Variants in LARGE1 observed in about 807,000 individuals in gnomAD.
LARGE1 encodes xylosyl- and glucuronyltransferase LARGE1.
In LARGE1, 43 loss-of-function variants were observed where a neutral mutation model predicts 87.6. The observed-to-expected ratio is 0.49, with a 90% confidence interval of 0.38 to 0.63. The LOEUF (loss-of-function observed/expected upper bound fraction) is 0.63, where lower values mean the gene tolerates loss of function less well. Among genes scored for constraint, LARGE1 ranks in the 30% least tolerant of loss-of-function variants. The pLI is 0.00. For synonymous variants in LARGE1, 434 were observed against 394.6 expected (o/e 1.10, Z -1.18); for missense variants, 802 against 1,000.2 (o/e 0.80, Z 2.67).
intron 11 of LARGE1, among the ~76,000 whole-genome samples, chr22:33,179,863 A>C (rs1923072482): frequency 6.6e-6 from 1 of 151,622 alleles, no homozygotes; most frequent in Non-Finnish European, 1.5e-5. Flanking sequence ...CTGTTCCAAA[A>C]TTTGTGTTGA....
rs146734980 is a variant in LARGE1, at chr22:33,320,560, C to T, written c.1288-4312G>A. Among the ~76,000 whole-genome samples the T allele has an allele frequency of 6.6e-5, 10 of 152,284 alleles. No individual in the cohort carries two copies. In the East Asian group the frequency reaches 1.9e-3, roughly 29 times the overall value. ...TTTTACCATTGTCCTGAGCACCATGCCTGGCTTGTGACAGGTGCTAATATC... is the reference window on the plus strand; with the variant it reads ...TTTTACCATTGTCCTGAGCACCATGTCTGGCTTGTGACAGGTGCTAATATC... On this transcript the variant is annotated intron_variant, in intron 10 of 14. Transcript: ENST00000397394.
At chr22:33,467,685 T>C in intron 6 of LARGE1, among the ~76,000 whole-genome samples, 1 of 152,228 alleles carries the variant, frequency 6.6e-6, no homozygotes, top group East Asian at 1.9e-4. Flanking sequence ...AGGCACTGGT[T>C]CCAAATGGCA....
intron 1 of LARGE1, among the ~76,000 whole-genome samples, chr22:33,865,347 C>G (rs1352468216): frequency 1.3e-5 from 2 of 152,202 alleles, no homozygotes; most frequent in Non-Finnish European, 2.9e-5. Context: ...TTTGTTTCAT[C>G]TGTTTGTTTT....
intron 6 of LARGE1, among the ~76,000 whole-genome samples, chr22:33,558,570 C>T (rs968016944): frequency 3.3e-5 from 5 of 152,088 alleles, no homozygotes; most frequent in Admixed American, 2.6e-4. Context: ...CTTAGATCAC[C>T]CTGCTGATAA....
chr22:33,176,424 C>G (rs1233089075), intron 11 of LARGE1, among the ~76,000 whole-genome samples: 1 of 152,106 alleles, frequency 6.6e-6, no homozygotes, highest in East Asian at 1.9e-4. Context: ...GGGCTAATAT[C>G]CAGAATCTGC....
intron 7 of LARGE1, among the ~76,000 whole-genome samples, chr22:33,395,886 T>C (rs1221175496): frequency 6.6e-6 from 1 of 152,214 alleles, no homozygotes; most frequent in African/African-American, 2.4e-5. Flanking sequence ...GTTAAATAGG[T>C]TTTGATATAT....
chr22:33,457,403 G>A (rs73407398), intron 6 of LARGE1, among the ~76,000 whole-genome samples: 2,009 of 144,208 alleles, frequency 0.014, 35 homozygotes, highest in African/African-American at 0.046. Flanking sequence ...TCATCTGCCC[G>A]CCTCAGGGCT....
At chr22:33,753,867 C>T (rs1047277016) in intron 2 of LARGE1, among the ~76,000 whole-genome samples, 5 of 152,102 alleles carry the variant, frequency 3.3e-5, no homozygotes, top group African/African-American at 7.2e-5. Flanking sequence ...CAAGACCAGC[C>T]TGGCCAACAT....
At position 33,888,699 on chromosome 22, in the gene LARGE1, T is replaced by C. The variant is rs936075906; in HGVS notation, c.-83+31296A>G. Among the ~76,000 whole-genome samples the C allele has an allele frequency of 2.0e-5, 3 of 150,386 alleles. No homozygotes were observed. In the South Asian group the frequency reaches 6.3e-4, roughly 32 times the overall value. ...GGCGAAACCCCATCTCTACTAAAAA[T>C]ACAAAAAATTAGCCAAGCATGGTGG... On this transcript the variant is annotated intron_variant, in intron 1 of 14. Coordinates refer to ENST00000397394, the MANE Select transcript of LARGE1 (RefSeq NM_133642.5).
At chr22:33,537,973 C>T (rs1335388141) in intron 6 of LARGE1, among the ~76,000 whole-genome samples, 3 of 152,172 alleles carry the variant, frequency 2.0e-5, no homozygotes, top group East Asian at 3.9e-4. Flanking sequence ...GGAGGACCTG[C>T]GATTCCAACC....
At chr22:33,148,167 C>A in the LARGE1 span, among the ~76,000 whole-genome samples, 1 of 152,232 alleles carries the variant, frequency 6.6e-6, no homozygotes, top group South Asian at 2.1e-4. Flanking sequence ...GATGTCAATG[C>A]CATGTTCTTG....
chr22:33,172,404 G>C (rs1245816333), intron 11 of LARGE1, among the ~76,000 whole-genome samples: 1 of 152,080 alleles, frequency 6.6e-6, no homozygotes, highest in Non-Finnish European at 1.5e-5. Flanking sequence ...CAGTGAGGAA[G>C]ATCTCATGAG....
chr22:33,785,793 C>A (rs1460977201), intron 1 of LARGE1, among the ~76,000 whole-genome samples: 1 of 152,030 alleles, frequency 6.6e-6, no homozygotes, highest in Non-Finnish European at 1.5e-5. Context: ...CATAATTTGG[C>A]CCTGAATCTT....
intron 3 of LARGE1, among the ~76,000 whole-genome samples, chr22:33,631,818 C>A (rs771563225): frequency 2.0e-5 from 3 of 152,142 alleles, no homozygotes; most frequent in African/African-American, 4.8e-5. Flanking sequence ...CAAATGGCAG[C>A]GCAGTCGGTT....
chr22:33,863,130 G>C (rs576079849), intron 1 of LARGE1, among the ~76,000 whole-genome samples: 1 of 152,240 alleles, frequency 6.6e-6, no homozygotes, highest in East Asian at 1.9e-4. Context: ...CAGGAACACG[G>C]GAGCCGACAG....
chr22:33,733,860 G>A (rs2083558087), intron 2 of LARGE1, among the ~76,000 whole-genome samples: 1 of 152,200 alleles, frequency 6.6e-6, no homozygotes, highest in Admixed American at 6.5e-5. Context: ...AAAGACCATA[G>A]CATTCATGGA....
chr22:33,384,905 T>C (rs1352956454), intron 7 of LARGE1, among the ~76,000 whole-genome samples: 2 of 148,882 alleles, frequency 1.3e-5, no homozygotes, highest in African/African-American at 4.9e-5. Context: ...ATAGGTGGAA[T>C]TTGTACGATG....
intron 6 of LARGE1, among the ~76,000 whole-genome samples, chr22:33,536,569 C>CATA (rs2077050034): frequency 6.6e-6 from 1 of 152,348 alleles, no homozygotes; most frequent in East Asian, 1.9e-4. Flanking sequence ...TTCAATAAAA[C>CATA]ATAATTATCT....
At chr22:33,651,234 A>C (rs554283354) in intron 2 of LARGE1, among the ~76,000 whole-genome samples, 3 of 140,194 alleles carry the variant, frequency 2.1e-5, no homozygotes, top group South Asian at 4.9e-4. Context: ...ACAAAAAAAA[A>C]AAAAAAAATT....
Sources: gnomAD v4.1 joint callset for allele counts (sites outside exome capture counted in the v4.1 genomes callset) on GRCh38, gnomAD v4.1.1 for gene constraint, MANE v1.5 for transcripts, NCBI Gene and HGNC (gene_info 2026-07-23, HGNC 2026-07-21) for gene names.